The following PWWP3B variants were observed in gnomAD, a reference collection of about 807,000 sequenced individuals.
PWWP3B encodes PWWP domain-containing DNA repair factor 3B.
A neutral mutation model predicts 15.7 loss-of-function variants in PWWP3B; 5 were observed. That is an observed-to-expected ratio of 0.32 (90% CI 0.17 to 0.67). The LOEUF (loss-of-function observed/expected upper bound fraction) is 0.67, where lower values mean the gene tolerates loss of function less well. PWWP3B is among the 30% of genes least tolerant of loss of function. The pLI is 0.74. For missense variants in PWWP3B, 519 were observed against 493.1 expected (o/e 1.05, Z -0.50); for synonymous variants, 203 against 179.8 (o/e 1.13, Z -1.03).
intron 2 of PWWP3B, among the ~76,000 whole-genome samples, chrX:106,201,047 C>CA (rs536453025): frequency 0.024 from 1,990 of 82,229 alleles, 24 homozygotes; most frequent in South Asian, 0.033. Flanking sequence ...GACTCCGTCT[C>CA]AAAAAAAAAA....
chrX:106,197,882 A>G (rs1923471886), intron 2 of PWWP3B, among the ~76,000 whole-genome samples: 1 of 111,779 alleles, frequency 8.9e-6, no homozygotes, highest in Non-Finnish European at 1.9e-5. Context: ...TAAGTTATGA[A>G]TGACATTCTC....
chrX:106,188,494 A>G (rs916646101), intron 2 of PWWP3B, among the ~76,000 whole-genome samples: 1 of 111,995 alleles, frequency 8.9e-6, no homozygotes, highest in African/African-American at 3.2e-5. Context: ...TTCTGATTGA[A>G]TGACTTTTTA....
intron 2 of PWWP3B, among the ~76,000 whole-genome samples, chrX:106,172,430 C>G (rs1921670159): frequency 9.0e-6 from 1 of 110,893 alleles, no homozygotes; most frequent in African/African-American, 3.3e-5. Context: ...TATCCTTGTT[C>G]TATAAGCTTT....
At chrX:106,182,132 G>A (rs778724383) in intron 2 of PWWP3B, among the ~76,000 whole-genome samples, 223 of 112,211 alleles carry the variant, frequency 2.0e-3, no homozygotes, top group African/African-American at 7.0e-3. Context: ...AGGCCTTGGC[G>A]GTTTTGGAGA....
intron 2 of PWWP3B, among the ~76,000 whole-genome samples, chrX:106,198,236 G>T (rs367896605): frequency 3.6e-5 from 4 of 110,997 alleles, no homozygotes; most frequent in African/African-American, 1.3e-4. Flanking sequence ...CAACTTCCTT[G>T]GTTTGTCCTT....
At position 106,202,137 on chromosome X, in the gene PWWP3B, G is replaced by A. The variant is rs181567147; in HGVS notation, c.-400-1848G>A. Reference sequence around the variant, plus strand: ...AACTTAGAAGTATTTGACAGTATGGGGGGAAATACACCTATAAGTTGATTG... The same window carrying A: ...AACTTAGAAGTATTTGACAGTATGGAGGGAAATACACCTATAAGTTGATTG... On this transcript the variant is annotated intron_variant, in intron 2 of 3. Transcript: ENST00000357175. Among the ~76,000 whole-genome samples the A allele has an allele frequency of 2.9e-3, 326 of 111,803 alleles. 1 individual carries two copies. Among genetic ancestry groups the A allele is most frequent in the African/African-American group, 9.8e-3 (301 of 30,799 alleles).
At chrX:106,183,543 C>T (rs1922332876) in intron 2 of PWWP3B, among the ~76,000 whole-genome samples, 1 of 111,840 alleles carries the variant, frequency 8.9e-6, no homozygotes, top group Non-Finnish European at 1.9e-5. Context: ...ATCATAGCTT[C>T]AGCTTTGGCT....
Position 106,175,040 on chromosome X carries a change from C to CAA in PWWP3B, c.-401+3916_-401+3917dup, listed in dbSNP as rs61441273. 4.4e-3 allele frequency among the ~76,000 whole-genome samples: 192 copies of CAA among 43,524 alleles called. 2 individuals carry two copies. The highest frequency in any genetic ancestry group is 0.013 in the African/African-American group (179 of 13,773). The allele number at this position is 43,524 out of a possible 115,157, so 37.8% of individuals were successfully genotyped here. A position where few individuals can be genotyped will look rare whatever the true frequency, so the allele number is the denominator to read the frequency against. On this transcript the variant is annotated intron_variant, in intron 2 of 3. Transcript: ENST00000357175. Reference sequence around the variant, plus strand: ...TGAGCGACAGAGCAAGACTCTGTCTCAAAAAAAAAAAAAAAAGAAGAAAAA... The same window carrying CAA: ...TGAGCGACAGAGCAAGACTCTGTCTCAAAAAAAAAAAAAAAAAAGAAGAAAAA...
chrX:106,207,110 A>G lies in PWWP3B; in HGVS notation c.1678A>G (p.Ile560Val). 8.3e-7 allele frequency: 1 copy of G among 1,207,010 alleles called. No homozygotes were observed. Among genetic ancestry groups the G allele is most frequent in the Non-Finnish European group, 1.1e-6 (1 of 892,794 alleles). ...DRANKNLVDF[I>V]VNAKGTENHL... ...AGCCAACAAGAACCTGGTGGACTTCATTGTGAATGCAAAGGGAACAGAGAA... is the reference window on the plus strand; with the variant it reads ...AGCCAACAAGAACCTGGTGGACTTCGTTGTGAATGCAAAGGGAACAGAGAA... The change falls in exon 4 of 4, where the codon ATT becomes GTT. Residue 560 changes from isoleucine to valine, a missense_variant. By Grantham distance (29) the Ile-to-Val change is conservative (BLOSUM62 3). Transcript: ENST00000357175.
At chrX:106,199,127 C>T (rs1330553199) in intron 2 of PWWP3B, among the ~76,000 whole-genome samples, 2 of 107,545 alleles carry the variant, frequency 1.9e-5, no homozygotes, top group African/African-American at 3.4e-5. Flanking sequence ...TGGCTCACTG[C>T]AAGCTCTGCC....
chrX:106,190,546 T>G (rs925995413), intron 2 of PWWP3B, among the ~76,000 whole-genome samples: 9 of 111,842 alleles, frequency 8.0e-5, no homozygotes, highest in African/African-American at 1.6e-4. Context: ...CTCTTTAGTT[T>G]AATTAGATCC....
chrX:106,196,118 A>T (rs1160379248), intron 2 of PWWP3B, among the ~76,000 whole-genome samples: 1 of 111,701 alleles, frequency 9.0e-6, no homozygotes, highest in Non-Finnish European at 1.9e-5. Context: ...AAATTATTTT[A>T]TATTGACTTT....
intron 2 of PWWP3B, among the ~76,000 whole-genome samples, chrX:106,202,250 A>C (rs1174650424): frequency 8.9e-6 from 1 of 111,922 alleles, no homozygotes; most frequent in Non-Finnish European, 1.9e-5. Flanking sequence ...TGCACATAAT[A>C]TATGCATGTA....
rs1041238188 is a variant in PWWP3B, at chrX:106,207,701, C to T, written c.*178C>T. The T allele has an allele frequency of 3.2e-5, 13 of 406,718 alleles. No homozygotes were observed. The highest frequency in any genetic ancestry group is 5.3e-5 in the Admixed American group (1 of 18,916). 33.5% of individuals were successfully genotyped at this position (406,718 alleles called of 1,213,427 possible). On this transcript the variant is annotated 3_prime_UTR_variant, in exon 4 of 4. Coordinates refer to ENST00000357175, the MANE Select transcript of PWWP3B (RefSeq NM_001171020.2). ...ATTACATCTTTATTTCCTTTTCTTG[C>T]GCTTCTTCAAAGTTAATTTTGTCAA...
intron 1 of PWWP3B, among the ~76,000 whole-genome samples, chrX:106,169,832 T>C (rs1465467207): frequency 2.7e-5 from 3 of 112,264 alleles, no homozygotes; most frequent in Admixed American, 1.9e-4. Context: ...AATTGAAGAA[T>C]GGCCTGTATC....
At chrX:106,199,739 T>C (rs1245625029) in intron 2 of PWWP3B, among the ~76,000 whole-genome samples, 1 of 111,414 alleles carries the variant, frequency 9.0e-6, no homozygotes, top group Non-Finnish European at 1.9e-5. Flanking sequence ...GACCATGGCT[T>C]GCAGTGAGGG....
chrX:106,182,464 G>A (rs1922263976), intron 2 of PWWP3B, among the ~76,000 whole-genome samples: 1 of 111,460 alleles, frequency 9.0e-6, no homozygotes, highest in Non-Finnish European at 1.9e-5. Context: ...ATAGGTTGAT[G>A]TTCCACATAA....
At chrX:106,192,019 C>A (rs1458115861) in intron 2 of PWWP3B, among the ~76,000 whole-genome samples, 8 of 111,732 alleles carry the variant, frequency 7.2e-5, no homozygotes, top group African/African-American at 2.6e-4. Flanking sequence ...GGTTGTGTCT[C>A]TGCCAGTCTT....
chrX:106,201,858 G>C (rs979528446), intron 2 of PWWP3B: 8 of 112,258 alleles, frequency 7.1e-5, no homozygotes, highest in African/African-American at 2.6e-4. Context: ...CAGTCTTGCA[G>C]TGGTGGGAAA....
Sources: gnomAD v4.1 joint callset for allele counts (sites outside exome capture counted in the v4.1 genomes callset) on GRCh38, gnomAD v4.1.1 for gene constraint, MANE v1.5 for transcripts, NCBI Gene and HGNC (gene_info 2026-07-23, HGNC 2026-07-21) for gene names.